Variants in NFATC1 observed in about 807,000 individuals in gnomAD.
The protein encoded by NFATC1 is nuclear factor of activated T cells 1.
A neutral mutation model predicts 76.0 loss-of-function variants in NFATC1; 22 were observed. That is an observed-to-expected ratio of 0.29 (90% CI 0.21 to 0.41). The LOEUF (loss-of-function observed/expected upper bound fraction) is 0.41. Ranked by LOEUF, NFATC1 falls within the 10% of genes least tolerant of loss-of-function variation. The pLI is 1.00. For synonymous variants in NFATC1, 704 were observed against 613.1 expected (o/e 1.15, Z -2.19); for missense variants, 1,357 against 1,337.7 (o/e 1.01, Z -0.23).
intron 3 of NFATC1, among the ~76,000 whole-genome samples, chr18:79,434,309 C>G (rs1349231614): frequency 1.3e-5 from 2 of 152,188 alleles, no homozygotes; most frequent in African/African-American, 4.8e-5. Flanking sequence ...GGGCCTGACT[C>G]CCCCGGGCTG....
In NFATC1 at chr18:79,473,493, GCTCA is replaced by G. The variant is rs761568997; in HGVS notation, c.2092+5914_2092+5917del. On this transcript the variant is annotated intron_variant, in intron 8 of 9. Transcript: ENST00000427363. ...AAACCCCAGGGAAGCGTGTTCTCACGCTCACTATCGACGTAAACCTGAGGGAAGC... is the reference window on the plus strand; with the variant it reads ...AAACCCCAGGGAAGCGTGTTCTCACGCTATCGACGTAAACCTGAGGGAAGC... Among the ~76,000 whole-genome samples, 15 of 149,530 alleles carry G rather than the reference GCTCA, an allele frequency of 1.0e-4. No individual in the cohort carries two copies. In the East Asian group the frequency reaches 1.4e-3, roughly 14 times the overall value.
intron 2 of NFATC1, 86 bp from the exon 3 acceptor site, chr18:79,433,493 A>C: frequency 6.6e-7 from 1 of 1,518,898 alleles, no homozygotes; most frequent in Non-Finnish European, 9.1e-7. Flanking sequence ...TGTCCACCCA[A>C]GATGGCGACG....
chr18:79,414,163 G>A (rs1483608922), intron 2 of NFATC1, among the ~76,000 whole-genome samples: 2 of 152,206 alleles, frequency 1.3e-5, no homozygotes, highest in Admixed American at 6.5e-5. Flanking sequence ...CAGCGAGGTG[G>A]AGAGGCCAGA....
chr18:79,477,429 G>A (rs1008085745), intron 8 of NFATC1, among the ~76,000 whole-genome samples: 1 of 152,224 alleles, frequency 6.6e-6, no homozygotes, highest in Non-Finnish European at 1.5e-5. Flanking sequence ...GCTGCAGCCT[G>A]CAGGCAGCTC....
At chr18:79,412,754 G>A (rs1053228857) in intron 2 of NFATC1, among the ~76,000 whole-genome samples, 2 of 152,244 alleles carry the variant, frequency 1.3e-5, no homozygotes, top group African/African-American at 4.8e-5. Context: ...TCTTTGAGCA[G>A]CCCCATGGCT....
rs549505924 is a variant in NFATC1, at chr18:79,465,514, C to T, written c.1960-1936C>T. Among the ~76,000 whole-genome samples the T allele has an allele frequency of 5.3e-3, 811 of 152,002 alleles. 5 individuals are homozygous for T. Among genetic ancestry groups the T allele is most frequent in the African/African-American group, 0.018 (738 of 41,464 alleles). ...CCCAGCCAGCCTGGCCCATGTGGTC[C>T]CCGCCTCCACCCATCCAGCCTGTCC... On this transcript the variant is annotated intron_variant, in intron 7 of 9. Coordinates refer to ENST00000427363, the MANE Select transcript of NFATC1 (RefSeq NM_001278669.2). The surrounding 1 kb of genome is among the most constrained non-coding windows in gnomAD (Gnocchi z 4.2).
chr18:79,461,398 T>C lies in NFATC1; in HGVS notation c.1959+32T>C, dbSNP rs61529116. 3.6e-6 allele frequency: 5 copies of C among 1,386,734 alleles called. No homozygotes were observed. The African/African-American group carries it at 1.4e-4, about 38-fold the overall frequency. 85.9% of individuals were successfully genotyped at this position (1,386,734 alleles called of 1,614,324 possible). A position where few individuals can be genotyped will look rare whatever the true frequency, so the allele number is the denominator to read the frequency against. ...GCCTTTGGCGCAGCTGGAGCTACTG[T>C]GGGTCCCCAGGGCTTGGGAGGCTGG... On this transcript the variant is annotated intron_variant, in intron 7 of 9. Coordinates refer to ENST00000427363, the MANE Select transcript of NFATC1 (RefSeq NM_001278669.2).
intron 6 of NFATC1, 93 bp downstream of exon 6, chr18:79,451,909 G>A (rs1600755410): frequency 2.7e-6 from 4 of 1,463,730 alleles, no homozygotes; most frequent in Non-Finnish European, 3.7e-6. Flanking sequence ...CCTGTGCACG[G>A]TCACCGGGAC....
intron 3 of NFATC1, among the ~76,000 whole-genome samples, chr18:79,436,496 G>T (rs533609648): frequency 3.9e-5 from 6 of 152,310 alleles, no homozygotes; most frequent in African/African-American, 1.4e-4. Flanking sequence ...CCAGGGGCAC[G>T]CTGTGCCCCC....
chr18:79,413,752 C>T (rs545558818), intron 2 of NFATC1, among the ~76,000 whole-genome samples: 6 of 152,300 alleles, frequency 3.9e-5, no homozygotes, highest in South Asian at 2.1e-4. Flanking sequence ...GCAAGGTGTC[C>T]GCAGGGATGT....
At chr18:79,458,738 G>A (rs1030421416) in intron 6 of NFATC1, among the ~76,000 whole-genome samples, 1 of 152,242 alleles carries the variant, frequency 6.6e-6, no homozygotes, top group Non-Finnish European at 1.5e-5. Flanking sequence ...CAGCACGGGG[G>A]CCGGCGCTGC....
At chr18:79,431,776 C>T (rs1381620858) in intron 2 of NFATC1, among the ~76,000 whole-genome samples, 1 of 152,180 alleles carries the variant, frequency 6.6e-6, no homozygotes, top group Non-Finnish European at 1.5e-5. Flanking sequence ...GATCTCGGCT[C>T]ACTGCAACCT....
chr18:79,412,062 C>T (rs542333946), intron 2 of NFATC1, among the ~76,000 whole-genome samples: 26 of 152,380 alleles, frequency 1.7e-4, no homozygotes, highest in Middle Eastern at 3.4e-3. Context: ...TGGAACAGCA[C>T]GGCCTCCTGC....
chr18:79,451,311 CCGG>C (rs2087462690), intron 5 of NFATC1, among the ~76,000 whole-genome samples, 185 bp downstream of exon 5: 1 of 152,268 alleles, frequency 6.6e-6, no homozygotes. Context: ...CTGTGGCCTC[CCGG>C]GGGCCCCTGG....
chr18:79,518,603 T>C (rs1432059518), intron 9 of NFATC1, among the ~76,000 whole-genome samples: 1 of 152,120 alleles, frequency 6.6e-6, no homozygotes, highest in African/African-American at 2.4e-5. Flanking sequence ...CTTGGAAAAA[T>C]CTGAGATCCC....
intron 3 of NFATC1, among the ~76,000 whole-genome samples, chr18:79,436,147 C>T (rs936726759): frequency 3.3e-5 from 5 of 152,238 alleles, no homozygotes; most frequent in African/African-American, 1.2e-4. Context: ...TAACCGCAGA[C>T]GTGCCCTCGG....
At chr18:79,513,444 G>T (rs1350336325) in intron 9 of NFATC1, among the ~76,000 whole-genome samples, 2 of 152,370 alleles carry the variant, frequency 1.3e-5, no homozygotes, top group East Asian at 1.9e-4. Flanking sequence ...ATCCCCCGAG[G>T]CTTCTGAGGA....
At chr18:79,437,131 G>A (rs1219298815) in intron 3 of NFATC1, among the ~76,000 whole-genome samples, 1 of 152,242 alleles carries the variant, frequency 6.6e-6, no homozygotes, top group African/African-American at 2.4e-5. Context: ...GGTCCCTGCG[G>A]GGTCTGGCGG....
intron 9 of NFATC1, among the ~76,000 whole-genome samples, chr18:79,492,481 G>A (rs894190640): frequency 1.3e-5 from 2 of 151,758 alleles, no homozygotes; most frequent in African/African-American, 4.8e-5. Flanking sequence ...AGGCTGAGGC[G>A]GGTGGATCAC....
Sources: allele counts gnomAD v4.1 joint callset (sites outside exome capture counted in the v4.1 genomes callset), GRCh38; gene constraint gnomAD v4.1.1; non-coding constraint Gnocchi (gnomAD v3.1); transcripts MANE v1.5; gene names NCBI Gene and HGNC (gene_info 2026-07-23, HGNC 2026-07-21).